The following ENTPD1 variants were observed in gnomAD, a reference collection of about 807,000 sequenced individuals.
The protein encoded by ENTPD1 is ATP diphosphohydrolase.
In ENTPD1, 33 loss-of-function variants were observed where a neutral mutation model predicts 57.0. The observed-to-expected ratio is 0.58, with a 90% CI of 0.44 to 0.77. The LOEUF is 0.77. Among genes scored for constraint, ENTPD1 ranks in the 30% least tolerant of loss-of-function variants. ENTPD1 has a pLI of 0.00. For missense variants in ENTPD1, 501 were observed against 603.4 expected, an observed-to-expected ratio of 0.83 and a Z score of 1.78; for synonymous variants, 202 against 218.8, an observed-to-expected ratio of 0.92 and a Z score of 0.68.
At chr10:95,717,568 A>G (rs2097972932) in intron 1 of ENTPD1, among the ~76,000 whole-genome samples, 1 of 151,782 alleles carries the variant, frequency 6.6e-6, no homozygotes, top group Admixed American at 6.6e-5. Context: ...TTACTACCTG[A>G]TTGGTCAGGT....
chr10:95,861,773 T>C (rs1729068410), intron 8 of ENTPD1: 1 of 152,108 alleles, frequency 6.6e-6, no homozygotes, highest in Non-Finnish European at 1.5e-5. Context: ...AAAAAATTAC[T>C]TCTGGTTTAG....
intron 3 of ENTPD1, among the ~76,000 whole-genome samples, chr10:95,840,873 T>C (rs567802927): frequency 1.3e-5 from 2 of 152,238 alleles, no homozygotes; most frequent in South Asian, 2.1e-4. Context: ...TAGAAGATAA[T>C]TGATTTTCAG....
chr10:95,756,578 TCATCTG>T (rs2098025881), intron 1 of ENTPD1: 1 of 342,030 alleles, frequency 2.9e-6, no homozygotes, highest in South Asian at 3.6e-5. Context: ...GGCAGCTGCC[TCATCTG>T]CAGTCCGGAC....
intron 2 of ENTPD1, among the ~76,000 whole-genome samples, chr10:95,832,159 A>G (rs769893388): frequency 1.3e-5 from 2 of 152,170 alleles, no homozygotes; most frequent in Non-Finnish European, 2.9e-5. Context: ...CCCTCCTTGT[A>G]TGTGAAGAAC....
chr10:95,700,531 G>GA, the ENTPD1 span, among the ~76,000 whole-genome samples: 41 of 151,414 alleles, frequency 2.7e-4, no homozygotes, highest in East Asian at 1.2e-3. Flanking sequence ...TACAAGAAAT[G>GA]AAAAAAAATA....
chr10:95,853,746 G>A (rs996390598), intron 7 of ENTPD1, among the ~76,000 whole-genome samples: 42 of 152,064 alleles, frequency 2.8e-4, no homozygotes, highest in Admixed American at 2.0e-4. Flanking sequence ...ATTGATTTTC[G>A]TATGTTGATC....
At chr10:95,723,015 G>A (rs1267705854) in intron 1 of ENTPD1, among the ~76,000 whole-genome samples, 1 of 152,182 alleles carries the variant, frequency 6.6e-6, no homozygotes, top group Non-Finnish European at 1.5e-5. Context: ...AGCAGTTGCT[G>A]CTACAGATTG....
rs2098005183 is a variant in ENTPD1 at position 95,745,602 on chromosome 10, A to G, written c.37+33609A>G. 2.0e-5 allele frequency among the ~76,000 whole-genome samples: 3 copies of G among 152,236 alleles called. No homozygotes were observed. In the South Asian group the frequency reaches 6.2e-4, roughly 32 times the overall value. On this transcript the variant is annotated intron_variant, in intron 1 of 9. Transcript: ENST00000453258. Reference sequence around the variant, plus strand: ...AAGGAGTTAAAGGGGATATTTCAACAGAACATTTATGTAAGAGAATCCACT... The same window carrying G: ...AAGGAGTTAAAGGGGATATTTCAACGGAACATTTATGTAAGAGAATCCACT...
At chr10:95,773,729 A>G (rs2098123630) in intron 1 of ENTPD1, among the ~76,000 whole-genome samples, 1 of 152,190 alleles carries the variant, frequency 6.6e-6, no homozygotes, top group African/African-American at 2.4e-5. Flanking sequence ...AATCCGGTCT[A>G]TCACTGATGA....
At chr10:95,756,027 TC>T, upstream of ENTPD1, 1 of 1,468,090 alleles carries the variant, frequency 6.8e-7, no homozygotes, top group Non-Finnish European at 9.0e-7. Context: ...GCTGCTGGAC[TC>T]CTCAGTCAAT....
At chr10:95,803,859 C>A (rs1346801463) in intron 1 of ENTPD1, among the ~76,000 whole-genome samples, 1 of 152,086 alleles carries the variant, frequency 6.6e-6, no homozygotes, top group Non-Finnish European at 1.5e-5. Context: ...GTCTTTAATC[C>A]TTCTTGAATT....
At chr10:95,865,792 T>A (rs1046026775) in intron 9 of ENTPD1, among the ~76,000 whole-genome samples, 23 of 152,206 alleles carry the variant, frequency 1.5e-4, no homozygotes, top group African/African-American at 5.3e-4. Flanking sequence ...TTAAGAGACA[T>A]GGTCTCACGC....
chr10:95,867,914 T>G lies in ENTPD1; in HGVS notation c.*1531T>G. 1.0e-6 allele frequency: 1 copy of G among 985,454 alleles called. No homozygotes were observed. Among genetic ancestry groups the G allele is most frequent in the Non-Finnish European group, 1.2e-6 (1 of 829,930 alleles). 61.0% of individuals were successfully genotyped at this position (985,454 alleles called of 1,614,324 possible). A position where few individuals can be genotyped will look rare whatever the true frequency, so the allele number is the denominator to read the frequency against. On this transcript the variant is annotated 3_prime_UTR_variant, in exon 10 of 10. Transcript: ENST00000371205. ...ACTTAATAAAGCTGTGGAAAGGAAC[T>G]CTTAATCTTCTTTTCTGCTACTTAG...
chr10:95,829,152 A>T (rs1440010517), intron 2 of ENTPD1, among the ~76,000 whole-genome samples: 1 of 152,234 alleles, frequency 6.6e-6, no homozygotes, highest in African/African-American at 2.4e-5. Context: ...TCCAAACAGC[A>T]CATCCTATTA....
upstream of ENTPD1, among the ~76,000 whole-genome samples, chr10:95,750,940 T>C (rs530765433): frequency 6.8e-6 from 1 of 147,520 alleles, no homozygotes; most frequent in African/African-American, 2.6e-5. Flanking sequence ...GGAGAATTGC[T>C]TGAACCTGGG....
intron 1 of ENTPD1, among the ~76,000 whole-genome samples, chr10:95,716,440 G>A (rs1257914431): frequency 1.3e-5 from 2 of 152,218 alleles, no homozygotes; most frequent in Non-Finnish European, 2.9e-5. Context: ...GGTCCCCAGT[G>A]TAACGGGTTG....
In ENTPD1 at chr10:95,782,689, C is replaced by G. The variant is rs544207955; in HGVS notation, c.16+26434C>G. ...GAAAAAGGAAGAGAGAATTTTCCCCCTTGCCTTATTGATTTCATCCTGCAT... is the reference window on the plus strand; with the variant it reads ...GAAAAAGGAAGAGAGAATTTTCCCCGTTGCCTTATTGATTTCATCCTGCAT... On this transcript the variant is annotated intron_variant, in intron 1 of 9. Transcript: ENST00000371205. Among the ~76,000 whole-genome samples, 83 of 152,266 alleles carry G rather than the reference C, an allele frequency of 5.5e-4. 3 individuals carry two copies. The South Asian group carries it at 8.1e-3, about 15-fold the overall frequency.
Position 95,872,112 on chromosome 10 carries a change from G to A in ENTPD1, c.*5729G>A, listed in dbSNP as rs1285589492. On this transcript the variant is annotated 3_prime_UTR_variant, in exon 10 of 10. Transcript: ENST00000371205. Reference sequence around the variant, plus strand: ...TTTTATTTCTCCTTCTAATATTACTGTTATTGCTCCAGTAAAGAGCTGTAA... The same window carrying A: ...TTTTATTTCTCCTTCTAATATTACTATTATTGCTCCAGTAAAGAGCTGTAA... 1.2e-5 allele frequency: 12 copies of A among 985,350 alleles called. No individual in the cohort carries two copies. Among genetic ancestry groups the A allele is most frequent in the Non-Finnish European group, 1.4e-5 (12 of 829,930 alleles). 61.0% of individuals were successfully genotyped at this position (985,350 alleles called of 1,614,324 possible).
At chr10:95,761,087 C>G (rs978213412) in intron 1 of ENTPD1, among the ~76,000 whole-genome samples, 1 of 152,100 alleles carries the variant, frequency 6.6e-6, no homozygotes, top group Non-Finnish European at 1.5e-5. Context: ...GTCTCGGCCT[C>G]CCAGAGTGCT....
Sources: allele counts gnomAD v4.1 joint callset (sites outside exome capture counted in the v4.1 genomes callset), GRCh38; gene constraint gnomAD v4.1.1; transcripts MANE v1.5; gene names NCBI Gene and HGNC (gene_info 2026-07-23, HGNC 2026-07-21).